TESC: variants seen among roughly 807,000 people sequenced by gnomAD.
TESC encodes the protein tescalcin, also known as calcineurin B homologous protein 3.
In TESC, 19 loss-of-function variants were observed where a neutral mutation model predicts 31.0. That is an observed-to-expected ratio of 0.61 (90% confidence interval 0.43 to 0.90). The LOEUF is 0.90. Ranked by LOEUF, TESC falls within the 40% of genes least tolerant of loss-of-function variation. The pLI is 0.00. For missense variants in TESC, 248 were observed against 303.8 expected (o/e 0.82, Z 1.36); for synonymous variants, 109 against 114.8 (o/e 0.95, Z 0.32).
At chr12:117,066,805 A>T (rs933119991) in intron 2 of TESC, among the ~76,000 whole-genome samples, 1 of 152,098 alleles carries the variant, frequency 6.6e-6, no homozygotes, top group Non-Finnish European at 1.5e-5. Flanking sequence ...ACCCTGTAGG[A>T]TCCTCAGCTC....
intron 2 of TESC, among the ~76,000 whole-genome samples, chr12:117,061,761 G>A (rs1043371111): frequency 5.9e-5 from 9 of 152,204 alleles, no homozygotes; most frequent in Admixed American, 3.9e-4. Flanking sequence ...CTGTGAGATG[G>A]GTGCAGACCT....
intron 2 of TESC, among the ~76,000 whole-genome samples, chr12:117,059,872 G>A (rs541355757): frequency 6.6e-6 from 1 of 152,316 alleles, no homozygotes; most frequent in South Asian, 2.1e-4. Flanking sequence ...GATTACAGGT[G>A]TGAGCCATTG....
intron 2 of TESC, among the ~76,000 whole-genome samples, chr12:117,061,834 G>T (rs1213094562): frequency 6.6e-6 from 1 of 152,130 alleles, no homozygotes; most frequent in Non-Finnish European, 1.5e-5. Context: ...AGGGGTGCTG[G>T]CCCAGGCTCT....
At chr12:117,067,025 G>A (rs1483572200) in intron 2 of TESC, among the ~76,000 whole-genome samples, 1 of 152,084 alleles carries the variant, frequency 6.6e-6, no homozygotes, top group African/African-American at 2.4e-5. Flanking sequence ...CTCTCCTCAC[G>A]TCTGCCTTAA....
rs1163514941 is a variant in TESC, at chr12:117,048,677, A to C, written c.349+342T>G. ...GCCCTCAGAACCACGCATGATCGGC[A>C]TACCCACGTTCTGGGTCAAGGTTCA... On this transcript the variant is annotated intron_variant, in intron 4 of 7. Transcript: ENST00000335209. 8.1e-6 allele frequency: 4 copies of C among 491,956 alleles called. No homozygotes were observed. The Admixed American group carries it at 9.2e-5, about 11-fold the overall frequency. 30.5% of individuals were successfully genotyped at this position (491,956 alleles called of 1,614,324 possible). A position where few individuals can be genotyped will look rare whatever the true frequency, so the allele number is the denominator to read the frequency against.
chr12:117,043,488 G>T (rs969476415), intron 6 of TESC, among the ~76,000 whole-genome samples: 1 of 152,080 alleles, frequency 6.6e-6, no homozygotes, highest in Non-Finnish European at 1.5e-5. Context: ...ACAGAGTCTC[G>T]CTCTGTTGCC....
intron 7 of TESC, among the ~76,000 whole-genome samples, chr12:117,040,477 C>T (rs1243928798): frequency 6.6e-6 from 1 of 152,122 alleles, no homozygotes; most frequent in Admixed American, 6.5e-5. Flanking sequence ...AAGTTGGTTT[C>T]GGAGGCAAAG....
chr12:117,040,352 T>C (rs933814647), intron 7 of TESC, among the ~76,000 whole-genome samples: 4 of 152,172 alleles, frequency 2.6e-5, no homozygotes, highest in African/African-American at 4.8e-5. Context: ...GCTGAGGGCA[T>C]TGGAAGGAAT....
chr12:117,054,876 G>T (rs563861652), intron 3 of TESC, among the ~76,000 whole-genome samples: 6 of 152,256 alleles, frequency 3.9e-5, no homozygotes, highest in African/African-American at 1.2e-4. Context: ...ACAGGCTGGC[G>T]GGCCTCACTG....
chr12:117,045,069 C>T (rs2135747190), intron 6 of TESC, among the ~76,000 whole-genome samples: 1 of 152,332 alleles, frequency 6.6e-6, no homozygotes, highest in South Asian at 2.1e-4. Flanking sequence ...TGCCCCTTGC[C>T]CCCAGCTCAG....
chr12:117,081,669 C>T (rs150640181), intron 1 of TESC, among the ~76,000 whole-genome samples: 23 of 151,560 alleles, frequency 1.5e-4, no homozygotes, highest in Admixed American at 3.3e-4. Flanking sequence ...TTTGGGAGGC[C>T]GAGGCTGGTG....
In TESC at chr12:117,056,801, C is replaced by G. The variant is rs568290005; in HGVS notation, c.209+5G>C. 4 of 1,613,926 alleles carry G rather than the reference C, an allele frequency of 2.5e-6. No homozygotes were observed. Among genetic ancestry groups the G allele is most frequent in the Non-Finnish European group, 3.4e-6 (4 of 1,179,964 alleles). ...CACTGGGCTGGTTCAGGGGAAAACGCCCACCTGTTGTCGAAGAAGGCACGA... is the reference window on the plus strand; with the variant it reads ...CACTGGGCTGGTTCAGGGGAAAACGGCCACCTGTTGTCGAAGAAGGCACGA... On this transcript the variant is annotated splice_donor_5th_base_variant and intron_variant, in intron 3 of 7. Transcript: ENST00000335209.
chr12:117,075,290 C>T lies in TESC; in HGVS notation c.109G>A (p.Gly37Arg). 6.2e-7 allele frequency: 1 copy of T among 1,612,502 alleles called. No individual in the cohort carries two copies. Among genetic ancestry groups the T allele is most frequent in the Admixed American group, 1.7e-5 (1 of 60,010 alleles). Residue 37 changes from glycine to arginine, a missense_variant, in exon 2 of 8, where the codon GGA becomes AGA. Transcript: ENST00000335209. ...QLHRRFKQLS[G>R]DQPTIRKENF... Reference sequence around the variant, plus strand: ...TCTTACCGAATGGTAGGCTGATCTCCACTCAGCTGCTTAAATCTCCGATGG... The same window carrying T: ...TCTTACCGAATGGTAGGCTGATCTCTACTCAGCTGCTTAAATCTCCGATGG...
intron 2 of TESC, among the ~76,000 whole-genome samples, chr12:117,063,248 C>T (rs1412106499): frequency 6.6e-6 from 1 of 152,158 alleles, no homozygotes; most frequent in African/African-American, 2.4e-5. Context: ...TGGCTCGAAC[C>T]ATCTTGCGCT....
intron 1 of TESC, among the ~76,000 whole-genome samples, chr12:117,075,911 A>ATGTGTG (rs1254921026): frequency 0.025 from 1,479 of 58,864 alleles, 38 homozygotes; most frequent in Non-Finnish European, 0.032. Context: ...ATATATATAT[A>ATGTGTG]TATGTGTGTG....
At chr12:117,059,529 A>G (rs1364970305) in intron 2 of TESC, among the ~76,000 whole-genome samples, 1 of 152,174 alleles carries the variant, frequency 6.6e-6, no homozygotes, top group Non-Finnish European at 1.5e-5. Flanking sequence ...AAAAAATAAG[A>G]TTATTTTTTG....
intron 6 of TESC, 101 bp downstream of exon 6, chr12:117,046,458 G>A (rs1037205557): frequency 1.9e-5 from 22 of 1,164,444 alleles, no homozygotes; most frequent in South Asian, 4.6e-5. Context: ...TAGAGCAGGT[G>A]GCAGAATACA....
intron 2 of TESC, among the ~76,000 whole-genome samples, chr12:117,064,820 G>A (rs577421163): frequency 2.4e-4 from 37 of 152,350 alleles, no homozygotes; most frequent in Non-Finnish European, 2.9e-5. Context: ...TCCAGCTGGT[G>A]GGGAGGGTGC....
At chr12:117,079,747 A>T (rs1955121042) in intron 1 of TESC, among the ~76,000 whole-genome samples, 2 of 152,140 alleles carry the variant, frequency 1.3e-5, no homozygotes, top group African/African-American at 4.8e-5. Context: ...ACAGGGAGAC[A>T]CTGTCAATGG....
Sources: gnomAD v4.1 joint callset for allele counts (sites outside exome capture counted in the v4.1 genomes callset) on GRCh38, gnomAD v4.1.1 for gene constraint, MANE v1.5 for transcripts, NCBI Gene and HGNC (gene_info 2026-07-23, HGNC 2026-07-21) for gene names.